The following PCDHA3 variants were observed in gnomAD, a reference collection of about 807,000 sequenced individuals.
PCDHA3 encodes protocadherin alpha-3.
Under a neutral mutation model 62.2 loss-of-function variants are expected in PCDHA3, and 41 were observed. That is an observed-to-expected ratio of 0.66 (90% CI 0.51 to 0.86). The LOEUF is 0.86. PCDHA3 is among the 40% of genes least tolerant of loss of function. The pLI, the probability that PCDHA3 is intolerant of heterozygous loss-of-function variation, is 0.00. For missense variants in PCDHA3, 1,304 were observed against 1,241.2 expected (o/e 1.05, Z -0.76); for synonymous variants, 640 against 555.4 (o/e 1.15, Z -2.14).
intron 1 of PCDHA3, among the ~76,000 whole-genome samples, chr5:140,961,980 T>C (rs909552255): frequency 6.6e-6 from 1 of 151,768 alleles, no homozygotes; most frequent in Non-Finnish European, 1.5e-5. Context: ...GCCTCCTGGG[T>C]TCACGCCATT....
chr5:140,927,176 TGACCTAC>T (rs1285493810), intron 1 of PCDHA3: 5 of 1,614,156 alleles, frequency 3.1e-6, no homozygotes, highest in Non-Finnish European at 4.2e-6. Flanking sequence ...GCCTGCGTCT[TGACCTAC>T]GACCTGGTGC....
intron 1 of PCDHA3, among the ~76,000 whole-genome samples, chr5:140,833,087 TAG>T (rs1281254791): frequency 6.6e-6 from 1 of 152,190 alleles, no homozygotes; most frequent in Non-Finnish European, 1.5e-5. Flanking sequence ...CTTTGAGTAC[TAG>T]ACGAGTAATT....
intron 3 of PCDHA3, among the ~76,000 whole-genome samples, chr5:140,984,425 A>G (rs1488284803): frequency 6.6e-6 from 1 of 152,174 alleles, no homozygotes; most frequent in Non-Finnish European, 1.5e-5. Context: ...GAGATAGAGA[A>G]GGGGATCTCC....
At chr5:140,916,665 G>A (rs1166692195) in intron 1 of PCDHA3, among the ~76,000 whole-genome samples, 2 of 152,184 alleles carry the variant, frequency 1.3e-5, no homozygotes, top group Non-Finnish European at 2.9e-5. Flanking sequence ...CAAGATGCAA[G>A]ACAAAGTCCT....
intron 1 of PCDHA3, chr5:140,830,622 C>A (rs1390414741): frequency 1.7e-6 from 1 of 582,552 alleles, no homozygotes. Flanking sequence ...TATTGTGTTT[C>A]TTATTTTAAT....
intron 1 of PCDHA3, chr5:140,928,909 C>T (rs1364728842): frequency 1.6e-5 from 26 of 1,614,034 alleles, no homozygotes; most frequent in Non-Finnish European, 2.1e-5. Flanking sequence ...TGTCTGGGAA[C>T]CAGGAGGGCA....
chr5:140,822,473 A>T (rs2150116639), intron 1 of PCDHA3: 6 of 1,613,830 alleles, frequency 3.7e-6, no homozygotes, highest in Middle Eastern at 3.3e-4. Flanking sequence ...AATGTATTGG[A>T]TGCTAATGAT....
At position 140,883,299 on chromosome 5, in the gene PCDHA3, A is replaced by G. The variant is rs200799645; in HGVS notation, c.2394+79708A>G. 1.4e-5 allele frequency: 22 copies of G among 1,614,110 alleles called. No homozygotes were observed. In the African/African-American group the frequency reaches 2.9e-4, roughly 22 times the overall value. On this transcript the variant is annotated intron_variant, in intron 1 of 3. Coordinates refer to ENST00000522353, the MANE Select transcript of PCDHA3 (RefSeq NM_018906.3). ...CTTTTGGTGGAAGTACTAGATGTAA[A>G]TGATAACGCCCCAGAGGTTACCATC...
chr5:140,812,398 G>C (rs938741537), intron 1 of PCDHA3: 1 of 151,504 alleles, frequency 6.6e-6, no homozygotes, highest in Non-Finnish European at 1.5e-5. Flanking sequence ...CTAGCTAAGG[G>C]GCTTGTCAGT....
At chr5:140,835,546 C>A (rs1340907598) in intron 1 of PCDHA3, 1 of 1,613,946 alleles carries the variant, frequency 6.2e-7, no homozygotes, top group African/African-American at 1.3e-5. Context: ...GTTACCTGCT[C>A]CCTGACGCCC....
chr5:140,916,733 A>G (rs1242424937), intron 1 of PCDHA3, among the ~76,000 whole-genome samples: 1 of 152,146 alleles, frequency 6.6e-6, no homozygotes, highest in Non-Finnish European at 1.5e-5. Flanking sequence ...TTGTTGCTGC[A>G]AGCTTCACTG....
chr5:140,849,946 C>T (rs2041246534), intron 1 of PCDHA3: 5 of 1,597,770 alleles, frequency 3.1e-6, no homozygotes, highest in East Asian at 2.2e-5. Flanking sequence ...GACGCTGACG[C>T]GCAGGAGAAC....
chr5:140,827,116 T>C (rs1554130718), intron 1 of PCDHA3, among the ~76,000 whole-genome samples: 1 of 152,148 alleles, frequency 6.6e-6, no homozygotes, highest in Non-Finnish European at 1.5e-5. Context: ...TAGGTGAAAG[T>C]GACAATTAGA....
chr5:140,998,743 T>A (rs2097832293), intron 3 of PCDHA3, among the ~76,000 whole-genome samples: 1 of 152,138 alleles, frequency 6.6e-6, no homozygotes, highest in Non-Finnish European at 1.5e-5. Flanking sequence ...TTTGTATTTT[T>A]AGAAGAGACA....
chr5:140,828,120 G>T, intron 1 of PCDHA3: 1 of 1,612,792 alleles, frequency 6.2e-7, no homozygotes. Context: ...GATAGATTGG[G>T]AAAGCAATGT....
rs1462764452 is a variant in PCDHA3 at position 140,803,939 on chromosome 5, C to G, written c.2394+348C>G. 1.3e-5 allele frequency: 5 copies of G among 397,924 alleles called. No individual in the cohort carries two copies. In the South Asian group the frequency reaches 1.8e-4, roughly 15 times the overall value. 24.6% of individuals were successfully genotyped at this position (397,924 alleles called of 1,614,324 possible). A position where few individuals can be genotyped will look rare whatever the true frequency, so the allele number is the denominator to read the frequency against. ...GACTTGTTTTATACTTATCCCTATA[C>G]AATGCTTCTTCAATATCTTTTGCCA... On this transcript the variant is annotated intron_variant, in intron 1 of 3. Coordinates refer to ENST00000522353, the MANE Select transcript of PCDHA3 (RefSeq NM_018906.3).
intron 1 of PCDHA3, among the ~76,000 whole-genome samples, chr5:140,953,275 C>G (rs1290645865): frequency 6.6e-6 from 1 of 152,074 alleles, no homozygotes; most frequent in African/African-American, 2.4e-5. Context: ...AGCCTTTGCT[C>G]TTTATATGTG....
intron 1 of PCDHA3, among the ~76,000 whole-genome samples, chr5:140,923,218 TCG>T (rs1584297306): frequency 7.4e-6 from 1 of 135,282 alleles, no homozygotes; most frequent in Non-Finnish European, 1.7e-5. Flanking sequence ...GGTGAAAGGA[TCG>T]TTTGAGCCCA....
chr5:140,807,757 A>T (rs1319661297), intron 1 of PCDHA3: 1 of 1,614,068 alleles, frequency 6.2e-7, no homozygotes. Flanking sequence ...AGCTGGTAAA[A>T]GGTCTTGGGC....
Sources: gnomAD v4.1 joint callset for allele counts (sites outside exome capture counted in the v4.1 genomes callset) on GRCh38, gnomAD v4.1.1 for gene constraint, MANE v1.5 for transcripts, NCBI Gene and HGNC (gene_info 2026-07-23, HGNC 2026-07-21) for gene names.